Variants in DNAH11 observed in about 807,000 individuals in gnomAD.
DNAH11 encodes axonemal beta dynein heavy chain 11.
Under a neutral mutation model 526.0 loss-of-function variants are expected in DNAH11, and 442 were observed. The ratio of observed to expected loss-of-function variants is 0.84; its 90% CI spans 0.78 to 0.91. The LOEUF (loss-of-function observed/expected upper bound fraction) is 0.91. Ranked by LOEUF, DNAH11 falls within the 40% of genes least tolerant of loss-of-function variation. The pLI is 0.00. For missense variants in DNAH11, 6,989 were observed against 5,448.7 expected, an observed-to-expected ratio of 1.28 and a Z score of -8.90; for synonymous variants, 2,461 against 1,935.9, an observed-to-expected ratio of 1.27 and a Z score of -7.12.
intron 11 of DNAH11, 84 bp downstream of exon 11, chr7:21,588,720 G>A (rs1784563363): frequency 1.3e-6 from 2 of 1,494,828 alleles, no homozygotes; most frequent in Non-Finnish European, 1.8e-6. Context: ...GTTCATATTA[G>A]CACTTAGGAA....
At position 21,773,758 on chromosome 7, in the gene DNAH11, G is replaced by C; in HGVS notation, c.9103-8G>C. The C allele has an allele frequency of 2.0e-6, 3 of 1,508,316 alleles. No homozygotes were observed. The allele number at this position is 1,508,316 out of a possible 1,614,324, so 93.4% of individuals were successfully genotyped here. ...ATTTCACATGAACTGTAATGTTTGTGTTTTCAGCCAGTGCACAAAGACTCT... is the reference window on the plus strand; with the variant it reads ...ATTTCACATGAACTGTAATGTTTGTCTTTTCAGCCAGTGCACAAAGACTCT... On this transcript the variant is annotated splice_polypyrimidine_tract_variant and splice_region_variant and intron_variant, in intron 55 of 81. Transcript: ENST00000409508.
chr7:21,615,384 A>G, intron 21 of DNAH11, 112 bp downstream of exon 21: 5 of 1,221,302 alleles, frequency 4.1e-6, no homozygotes, highest in Non-Finnish European at 5.5e-6. Context: ...AAATATGTGG[A>G]AATTAGATCC....
At chr7:21,594,098 A>ACAAACACACT (rs534629301) in intron 14 of DNAH11, among the ~76,000 whole-genome samples, 1 of 147,982 alleles carries the variant, frequency 6.8e-6, no homozygotes, top group African/African-American at 2.5e-5. Context: ...ACACACACAC[A>ACAAACACACT]CTCTGAAGCC....
chr7:21,873,581 C>T, intron 74 of DNAH11, 80 bp downstream of exon 74: 2 of 1,391,680 alleles, frequency 1.4e-6, no homozygotes, highest in East Asian at 4.6e-5. Context: ...TCAACCCAGG[C>T]ATGTCATTGA....
At chr7:21,657,720 A>G (rs1782077259) in intron 29 of DNAH11, among the ~76,000 whole-genome samples, 1 of 152,198 alleles carries the variant, frequency 6.6e-6, no homozygotes, top group East Asian at 1.9e-4. Flanking sequence ...ACAACCTGAC[A>G]TAATTCGGTT....
At chr7:21,636,204 G>C (rs1466651954) in intron 26 of DNAH11, 109 bp downstream of exon 26, 1 of 930,312 alleles carries the variant, frequency 1.1e-6, no homozygotes, top group Admixed American at 2.9e-5. Flanking sequence ...GTAAGCAGGA[G>C]TCAGGAGACT....
intron 30 of DNAH11, among the ~76,000 whole-genome samples, chr7:21,667,630 A>G (rs1024364612): frequency 6.6e-6 from 1 of 152,148 alleles, no homozygotes; most frequent in African/African-American, 2.4e-5. Flanking sequence ...GGATTTCAAT[A>G]TGATCCATTA....
chr7:21,897,448 C>T (rs1784558864), intron 79 of DNAH11, among the ~76,000 whole-genome samples: 1 of 143,532 alleles, frequency 7.0e-6, no homozygotes, highest in South Asian at 2.2e-4. Flanking sequence ...TACTTCTTTT[C>T]CCTTTATAAA....
intron 45 of DNAH11, among the ~76,000 whole-genome samples, chr7:21,731,043 C>G (rs1028483772): frequency 2.0e-5 from 3 of 151,926 alleles, no homozygotes; most frequent in African/African-American, 7.3e-5. Context: ...ACTCGGGAGG[C>G]TGAGGCAGGA....
intron 56 of DNAH11, 138 bp downstream of exon 56, chr7:21,774,137 C>A: frequency 1.3e-6 from 1 of 794,646 alleles, no homozygotes; most frequent in Non-Finnish European, 1.9e-6. Flanking sequence ...ACCAAGAATA[C>A]ACTGCTACTG....
chr7:21,566,898 G>A (rs567980878), intron 6 of DNAH11, among the ~76,000 whole-genome samples: 19 of 152,070 alleles, frequency 1.2e-4, no homozygotes, highest in Non-Finnish European at 1.9e-4. Context: ...ATACAATTTT[G>A]TACTAACTTC....
At chr7:21,889,232 A>G (rs924321484) in intron 76 of DNAH11, among the ~76,000 whole-genome samples, 4 of 152,200 alleles carry the variant, frequency 2.6e-5, no homozygotes, top group Admixed American at 6.5e-5. Flanking sequence ...TCAGTACTCA[A>G]TTCCTTTTAA....
At chr7:21,817,213 G>T (rs542128419) in intron 64 of DNAH11, among the ~76,000 whole-genome samples, 12 of 152,050 alleles carry the variant, frequency 7.9e-5, no homozygotes, top group Non-Finnish European at 1.5e-4. Flanking sequence ...AAGAATTTCT[G>T]TTACTGAGTC....
rs1484433926 is a variant in DNAH11, at chr7:21,664,335, A to C, written c.5328+5304A>C. ...ATGTTCATTTTTAAAGGTTATCTTT[A>C]TGTCTGGTTTTTTTTCTGTAGGAAT... On this transcript the variant is annotated intron_variant, in intron 30 of 81. Transcript: ENST00000409508. 2.6e-5 allele frequency among the ~76,000 whole-genome samples: 4 copies of C among 151,754 alleles called. No individual in the cohort carries two copies. In the East Asian group the frequency reaches 7.7e-4, roughly 29 times the overall value.
intron 28 of DNAH11, among the ~76,000 whole-genome samples, chr7:21,650,481 A>C (rs551745030): frequency 6.6e-6 from 1 of 150,568 alleles, no homozygotes; most frequent in African/African-American, 2.4e-5. Flanking sequence ...TTGATGTTTC[A>C]TAGCTGTAAG....
chr7:21,753,572 C>G (rs1786503214), intron 54 of DNAH11, among the ~76,000 whole-genome samples: 1 of 152,122 alleles, frequency 6.6e-6, no homozygotes, highest in Non-Finnish European at 1.5e-5. Context: ...GTCTTCTTGT[C>G]TAAACAACAT....
At chr7:21,571,749 T>G (rs1456713056) in intron 7 of DNAH11, 57 bp from the exon 8 acceptor site, 2 of 1,342,856 alleles carry the variant, frequency 1.5e-6, no homozygotes, top group African/African-American at 3.0e-5. Flanking sequence ...ATTTGAAACT[T>G]TAAAATATTT....
chr7:21,731,312 C>T (rs1184578737), intron 45 of DNAH11, among the ~76,000 whole-genome samples: 4 of 151,890 alleles, frequency 2.6e-5, no homozygotes, highest in Non-Finnish European at 5.9e-5. Context: ...GCTCTGTGAT[C>T]CAAAAAATTT....
chr7:21,851,010 G>A (rs942534954), intron 66 of DNAH11, among the ~76,000 whole-genome samples: 19 of 152,224 alleles, frequency 1.2e-4, no homozygotes, highest in Non-Finnish European at 2.5e-4. Flanking sequence ...CTGGGATGTG[G>A]CCTTCAGAAG....
Sources: gnomAD v4.1 joint callset for allele counts (sites outside exome capture counted in the v4.1 genomes callset) on GRCh38, gnomAD v4.1.1 for gene constraint, MANE v1.5 for transcripts, NCBI Gene and HGNC (gene_info 2026-07-23, HGNC 2026-07-21) for gene names.